LTBP1: variants seen among roughly 807,000 people sequenced by gnomAD.
LTBP1 encodes latent-transforming growth factor beta-binding protein 1.
A neutral mutation model predicts 207.6 loss-of-function variants in LTBP1; 129 were observed. The observed-to-expected ratio is 0.62, with a 90% CI of 0.54 to 0.72. The LOEUF is 0.72. Ranked by LOEUF, LTBP1 falls within the 30% of genes least tolerant of loss-of-function variation. The pLI, the probability that LTBP1 is intolerant of heterozygous loss-of-function variation, is 0.00. For synonymous variants in LTBP1, 963 were observed against 833.7 expected (o/e 1.16, Z -2.67); for missense variants, 2,281 against 2,217.2 (o/e 1.03, Z -0.58).
At chr2:33,165,995 G>C (rs985902846) in intron 5 of LTBP1, among the ~76,000 whole-genome samples, 4 of 151,302 alleles carry the variant, frequency 2.6e-5, no homozygotes, top group Admixed American at 6.6e-5. Flanking sequence ...TTCTAATTCA[G>C]TTTTGGAAGT....
At chr2:33,032,770 T>C (rs2075747674) in intron 3 of LTBP1, among the ~76,000 whole-genome samples, 1 of 152,256 alleles carries the variant, frequency 6.6e-6, no homozygotes, top group Non-Finnish European at 1.5e-5. Flanking sequence ...AGGTCTAAAG[T>C]TGCTAGGAAA....
At chr2:33,154,719 G>T (rs1285410740) in intron 5 of LTBP1, among the ~76,000 whole-genome samples, 1 of 152,140 alleles carries the variant, frequency 6.6e-6, no homozygotes, top group African/African-American at 2.4e-5. Flanking sequence ...TGCATCAAAG[G>T]TTATGTGTTT....
chr2:33,245,003 C>A (rs2092461824), intron 10 of LTBP1, among the ~76,000 whole-genome samples: 1 of 152,134 alleles, frequency 6.6e-6, no homozygotes, highest in Non-Finnish European at 1.5e-5. Flanking sequence ...CTCAGCCTCC[C>A]AAGTAGCTGG....
At chr2:33,118,021 G>C (rs2080857836) in intron 4 of LTBP1, among the ~76,000 whole-genome samples, 1 of 152,106 alleles carries the variant, frequency 6.6e-6, no homozygotes, top group Admixed American at 6.5e-5. Flanking sequence ...GGTTTGGGCA[G>C]CTCTGCTCCT....
At chr2:33,145,206 A>G (rs1435455894) in intron 5 of LTBP1, among the ~76,000 whole-genome samples, 1 of 152,154 alleles carries the variant, frequency 6.6e-6, no homozygotes, top group African/African-American at 2.4e-5. Context: ...GACTCATGCA[A>G]TACTTACTGA....
In LTBP1 at chr2:33,391,217, C is replaced by A. The variant is rs2150624748; in HGVS notation, c.4834+1911C>A. Among the ~76,000 whole-genome samples the A allele has an allele frequency of 1.3e-5, 2 of 152,128 alleles. 1 individual carries two copies. Among genetic ancestry groups the A allele is most frequent in the South Asian group, 4.2e-4 (2 of 4,818 alleles). On this transcript the variant is annotated intron_variant, in intron 32 of 33. Coordinates refer to ENST00000404816, the MANE Select transcript of LTBP1 (RefSeq NM_206943.4). ...ACTCCCACCCAGGCCAGGAGCAGTG[C>A]CAGCCTCCAGAAGGCCCCTGGTGCC...
At chr2:33,361,406 T>TA in intron 27 of LTBP1, 23 bp from the exon 28 acceptor site, 2 of 1,478,490 alleles carry the variant, frequency 1.4e-6, no homozygotes, top group Non-Finnish European at 1.8e-6. Context: ...TCTTTTTTTT[T>TA]TTTTTGTCTC....
At chr2:33,383,480 A>G (rs1408957342) in intron 31 of LTBP1, among the ~76,000 whole-genome samples, 1 of 152,206 alleles carries the variant, frequency 6.6e-6, no homozygotes, top group Non-Finnish European at 1.5e-5. Context: ...TCGTTAATCC[A>G]TGTTTAAACC....
intron 19 of LTBP1, among the ~76,000 whole-genome samples, chr2:33,285,433 TTTTC>T (rs752770630): frequency 4.7e-5 from 7 of 148,728 alleles, no homozygotes; most frequent in Non-Finnish European, 8.9e-5. Context: ...GAGCATTCTC[TTTTC>T]TTTCTTTCTT....
intron 24 of LTBP1, among the ~76,000 whole-genome samples, chr2:33,339,844 C>T (rs561987570): frequency 6.1e-4 from 93 of 152,028 alleles, no homozygotes; most frequent in African/African-American, 1.9e-3. Flanking sequence ...GGGGTTTCTC[C>T]AAGTTGGTCA....
chr2:33,048,249 C>T (rs1354281797), intron 3 of LTBP1, among the ~76,000 whole-genome samples: 3 of 152,160 alleles, frequency 2.0e-5, no homozygotes, highest in Non-Finnish European at 4.4e-5. Context: ...GTACAAGGAG[C>T]TGTGTGACTG....
intron 7 of LTBP1, among the ~76,000 whole-genome samples, chr2:33,205,629 G>T (rs1009050367): frequency 6.6e-6 from 1 of 152,094 alleles, no homozygotes; most frequent in African/African-American, 2.4e-5. Context: ...TTCTGCAAAG[G>T]ACCACACTCA....
chr2:33,364,703 A>T (rs546390701), intron 30 of LTBP1, among the ~76,000 whole-genome samples: 24 of 152,300 alleles, frequency 1.6e-4, no homozygotes, highest in African/African-American at 5.5e-4. Context: ...AGAGTGGAGG[A>T]TGTGGATAAG....
chr2:33,182,360 T>A (rs2086725146), intron 5 of LTBP1, among the ~76,000 whole-genome samples: 1 of 152,010 alleles, frequency 6.6e-6, no homozygotes, highest in Non-Finnish European at 1.5e-5. Flanking sequence ...ACTGTTTCTT[T>A]GTTTAAAAAA....
intron 19 of LTBP1, among the ~76,000 whole-genome samples, chr2:33,292,784 G>A (rs2093799803): frequency 6.6e-6 from 1 of 151,986 alleles, no homozygotes; most frequent in Non-Finnish European, 1.5e-5. Context: ...CCATCCTATT[G>A]AATTCATCAA....
At chr2:33,102,217 T>G (rs1301320050) in intron 3 of LTBP1, among the ~76,000 whole-genome samples, 1 of 152,176 alleles carries the variant, frequency 6.6e-6, no homozygotes, top group Non-Finnish European at 1.5e-5. Flanking sequence ...AGCCCACGTT[T>G]AGAGCGCTAG....
chr2:33,300,105 C>T (rs929036695), intron 20 of LTBP1, among the ~76,000 whole-genome samples: 8 of 152,214 alleles, frequency 5.3e-5, no homozygotes, highest in African/African-American at 1.7e-4. Context: ...TGCAACTAAA[C>T]AGGTCTGCAA....
Position 33,116,044 on chromosome 2 carries a change from T to TTA in LTBP1, c.1033+5294_1033+5295dup, listed in dbSNP as rs1165880743. On this transcript the variant is annotated intron_variant, in intron 4 of 33. Transcript: ENST00000404816. ...TCAGGGTTATAAGACACCAAAGGAC[T>TTA]TACTAAGATAGATTGTAGAGCTACT... 2.0e-5 allele frequency among the ~76,000 whole-genome samples: 3 copies of TTA among 152,326 alleles called. No individual in the cohort carries two copies. The East Asian group carries it at 5.8e-4, about 29-fold the overall frequency.
intron 2 of LTBP1, among the ~76,000 whole-genome samples, chr2:32,990,585 A>G (rs1424428965): frequency 6.6e-6 from 1 of 152,196 alleles, no homozygotes; most frequent in East Asian, 1.9e-4. Context: ...TGGGTGATTA[A>G]CCACATTTTC....
Sources: allele counts gnomAD v4.1 joint callset (sites outside exome capture counted in the v4.1 genomes callset), GRCh38; gene constraint gnomAD v4.1.1; transcripts MANE v1.5; gene names NCBI Gene and HGNC (gene_info 2026-07-23, HGNC 2026-07-21).